The following AREL1 variants were observed in gnomAD, a reference collection of about 807,000 sequenced individuals.
AREL1 encodes the protein apoptosis resistant E3 ubiquitin protein ligase 1, also known as apoptosis-resistant E3 ubiquitin protein ligase 1.
AREL1 carries 62 observed loss-of-function variants against 99.0 expected under a neutral mutation model. The observed-to-expected ratio is 0.63, with a 90% CI of 0.51 to 0.77. AREL1 has a LOEUF of 0.77. AREL1 is among the 30% of genes least tolerant of loss of function. The pLI, the probability that AREL1 is intolerant of heterozygous loss-of-function variation, is 0.00. For synonymous variants in AREL1, 380 were observed against 376.5 expected (o/e 1.01, Z -0.11); for missense variants, 879 against 1,027.6 (o/e 0.86, Z 1.98).
chr14:74,684,545 C>T lies in AREL1; in HGVS notation c.152G>A (p.Arg51Gln), dbSNP rs2089705428. 2.5e-6 allele frequency: 4 copies of T among 1,614,118 alleles called. No homozygotes were observed. Among genetic ancestry groups the T allele is most frequent in the East Asian group, 4.5e-5 (2 of 44,878 alleles). The change falls in exon 4 of 20, where the codon CGG becomes CAG. Residue 51 changes from arginine (R) to glutamine (Q), a missense_variant. Coordinates refer to ENST00000356357, the MANE Select transcript of AREL1 (RefSeq NM_001039479.2). ...RGDRTIYDYVRGNYLDPRSCK... is the reference protein window; with the variant it reads ...RGDRTIYDYVQGNYLDPRSCK... Reference sequence around the variant, plus strand: ...AGACCGGGGATCCAGGTAATTTCCCCGCACGTAGTCATAAATAGTCCGGTC... The same window carrying T: ...AGACCGGGGATCCAGGTAATTTCCCTGCACGTAGTCATAAATAGTCCGGTC...
chr14:74,672,254 G>T (rs141811112), intron 11 of AREL1, among the ~76,000 whole-genome samples: 204 of 152,308 alleles, frequency 1.3e-3, no homozygotes, highest in Middle Eastern at 3.4e-3. Context: ...TAAGTAAACT[G>T]CTCTTCCCTC....
chr14:74,700,615 A>G (rs2090067055), intron 1 of AREL1, among the ~76,000 whole-genome samples: 1 of 152,112 alleles, frequency 6.6e-6, no homozygotes, highest in Admixed American at 6.6e-5. Flanking sequence ...TGTCTCTACT[A>G]AATATACAAA....
intron 8 of AREL1, 82 bp from the exon 9 acceptor site, chr14:74,674,193 C>T: frequency 1.7e-6 from 2 of 1,150,340 alleles, no homozygotes; most frequent in South Asian, 1.3e-5. Context: ...ATATCATAGT[C>T]CCTATTTACA....
chr14:74,684,352 A>C, intron 4 of AREL1, 102 bp downstream of exon 4: 1 of 1,069,760 alleles, frequency 9.3e-7, no homozygotes, highest in Non-Finnish European at 1.4e-6. Context: ...GAGGGAGTTG[A>C]AAAACAAGAG....
Position 74,664,917 on chromosome 14 carries a change from C to A in AREL1, c.2112G>T (p.Met704Ile), listed in dbSNP as rs368604464. The A allele has an allele frequency of 1.9e-6, 3 of 1,613,422 alleles. No individual in the cohort carries two copies. The Admixed American group carries it at 5.0e-5, about 27-fold the overall frequency. ...ACACACTGATGTCTCCAGTCCCACA[C>A]ATCAGCAGCTGGAAAAAGATGGTAA... ...IFDENELELL[M>I]CGTGDISVSD... The change falls in exon 18 of 20, where the codon ATG becomes ATT. Residue 704 changes from methionine to isoleucine, a missense_variant. Transcript: ENST00000356357.
Position 74,676,315 on chromosome 14 carries a change from G to A in AREL1, c.658C>T (p.Pro220Ser), listed in dbSNP as rs770453473. Residue 220 changes from proline to serine, a missense_variant, in exon 7 of 20, where the codon CCT (proline) becomes TCT (serine). Coordinates refer to ENST00000356357, the MANE Select transcript of AREL1 (RefSeq NM_001039479.2). ...NYTLSIHELG[P>S]QEEESTGVSF... Reference sequence around the variant, plus strand: ...ACACCAGTACTCTCTTCTTCTTGAGGGCCGAGCTATAGGAAGGCAACAGAG... The same window carrying A: ...ACACCAGTACTCTCTTCTTCTTGAGAGCCGAGCTATAGGAAGGCAACAGAG... 1.9e-6 allele frequency: 3 copies of A among 1,613,924 alleles called. No homozygotes were observed. Among genetic ancestry groups the A allele is most frequent in the Non-Finnish European group, 1.7e-6 (2 of 1,179,926 alleles).
intron 1 of AREL1, among the ~76,000 whole-genome samples, chr14:74,705,639 G>A (rs1260050157): frequency 6.6e-6 from 1 of 151,984 alleles, no homozygotes; most frequent in Admixed American, 6.5e-5. Context: ...AACCTGTGAT[G>A]AGACTGGAAA....
chr14:74,671,574 C>T, intron 11 of AREL1, 91 bp from the exon 12 acceptor site: 3 of 772,464 alleles, frequency 3.9e-6, no homozygotes, highest in Non-Finnish European at 6.3e-6. Flanking sequence ...CCATTGTCTG[C>T]TGGACTAACT....
chr14:74,677,042 G>A (rs973176120), intron 5 of AREL1, among the ~76,000 whole-genome samples: 5 of 151,868 alleles, frequency 3.3e-5, no homozygotes, highest in South Asian at 2.1e-4. Context: ...CTCCTGATCC[G>A]CCCGCCTTGG....
intron 1 of AREL1, among the ~76,000 whole-genome samples, chr14:74,696,070 G>A (rs2089974288): frequency 1.3e-5 from 2 of 152,172 alleles, no homozygotes; most frequent in African/African-American, 4.8e-5. Context: ...CATATTATCT[G>A]TGGCTGCTTT....
chr14:74,680,681 A>G (rs2089609009), intron 5 of AREL1, among the ~76,000 whole-genome samples: 1 of 152,264 alleles, frequency 6.6e-6, no homozygotes. Context: ...AAACTGGTAC[A>G]TTCAGACCAC....
At position 74,661,836 on chromosome 14, in the gene AREL1, A is replaced by G. The variant is rs1269340185; in HGVS notation, c.*1884T>C. On this transcript the variant is annotated 3_prime_UTR_variant, in exon 20 of 20. Transcript: ENST00000356357. ...GAGCTTAAAATGACAGGTCTAGCCA[A>G]GACAATCAACTCAATCTCCAGGATC... 6.6e-6 allele frequency: 1 copy of G among 152,442 alleles called. No homozygotes were observed. Among genetic ancestry groups the G allele is most frequent in the Non-Finnish European group, 1.5e-5 (1 of 68,222 alleles). The allele number at this position is 152,442 out of a possible 1,614,324, so 9.4% of individuals were successfully genotyped here.
intron 17 of AREL1, among the ~76,000 whole-genome samples, chr14:74,666,674 T>C (rs2089216616): frequency 6.6e-6 from 1 of 152,002 alleles, no homozygotes; most frequent in African/African-American, 2.4e-5. Flanking sequence ...TGTCATAGGA[T>C]TTTATAGACG....
At position 74,670,981 on chromosome 14, in the gene AREL1, T is replaced by C. The variant is rs1410374944; in HGVS notation, c.1499-110A>G. On this transcript the variant is annotated intron_variant, in intron 12 of 19. Transcript: ENST00000356357. ...CCACATTCCCTCTATTGTACTACTC[T>C]GGTGTTTCTCCGTTGCGACTCATCT... 10 of 806,812 alleles carry C rather than the reference T, an allele frequency of 1.2e-5. No homozygotes were observed. In the South Asian group the frequency reaches 1.5e-4, roughly 12 times the overall value. 50.0% of individuals were successfully genotyped at this position (806,812 alleles called of 1,614,324 possible).
intron 1 of AREL1, among the ~76,000 whole-genome samples, chr14:74,693,656 T>C (rs2089927202): frequency 6.6e-6 from 1 of 152,182 alleles, no homozygotes; most frequent in South Asian, 2.1e-4. Flanking sequence ...AAGGTTAAAG[T>C]ACTTTTCCAA....
intron 1 of AREL1, among the ~76,000 whole-genome samples, chr14:74,703,697 TC>T (rs1172855664): frequency 6.6e-6 from 1 of 152,228 alleles, no homozygotes; most frequent in African/African-American, 2.4e-5. Context: ...AGAGTAGTAC[TC>T]CATTAAATGG....
At chr14:74,676,948 C>G (rs2089495615) in intron 5 of AREL1, among the ~76,000 whole-genome samples, 196 bp from the exon 6 acceptor site, 1 of 152,038 alleles carries the variant, frequency 6.6e-6, no homozygotes. Context: ...AGGTGCCCGC[C>G]ACCATGCCCA....
At chr14:74,682,090 G>C (rs551107527) in intron 5 of AREL1, among the ~76,000 whole-genome samples, 189 of 152,330 alleles carry the variant, frequency 1.2e-3, no homozygotes, top group African/African-American at 3.9e-3. Context: ...TGGTGGCAAA[G>C]AGGTGGGTGA....
At chr14:74,712,828 C>T in intron 1 of AREL1, 105 bp downstream of exon 1, 2 of 410,274 alleles carry the variant, frequency 4.9e-6, no homozygotes, top group Non-Finnish European at 4.6e-6. Context: ...AACTACTGGG[C>T]AAACCAGGAG....
Sources: allele counts gnomAD v4.1 joint callset (sites outside exome capture counted in the v4.1 genomes callset), GRCh38; gene constraint gnomAD v4.1.1; transcripts MANE v1.5; gene names NCBI Gene and HGNC (gene_info 2026-07-23, HGNC 2026-07-21).